The following TTC28 variants were observed in gnomAD, a reference collection of about 807,000 sequenced individuals.
The protein encoded by TTC28 is tetratricopeptide repeat domain 28.
TTC28 carries 61 observed loss-of-function variants against 198.0 expected under a neutral mutation model. That is an observed-to-expected ratio of 0.31 (90% CI 0.25 to 0.38). The LOEUF is 0.38. TTC28 is among the 10% of genes least tolerant of loss of function. The pLI is 1.00. For synonymous variants in TTC28, 1,171 were observed against 1,297.8 expected (o/e 0.90, Z 2.10); for missense variants, 2,678 against 3,164.0 (o/e 0.85, Z 3.69).
intron 2 of TTC28, among the ~76,000 whole-genome samples, chr22:28,533,722 A>G (rs1425069664): frequency 1.3e-5 from 2 of 152,216 alleles, no homozygotes; most frequent in Non-Finnish European, 2.9e-5. Flanking sequence ...ATATAGATCA[A>G]TGGAACAAAA....
At chr22:28,243,218 C>G (rs1412077277) in intron 5 of TTC28, among the ~76,000 whole-genome samples, 3 of 101,676 alleles carry the variant, frequency 3.0e-5, no homozygotes, top group Admixed American at 2.0e-4. Context: ...AAAAAACTAG[C>G]CAGCCACACT....
At chr22:28,197,799 G>A (rs1016495981) in intron 5 of TTC28, among the ~76,000 whole-genome samples, 3 of 151,988 alleles carry the variant, frequency 2.0e-5, no homozygotes, top group Non-Finnish European at 4.4e-5. Context: ...AGGATCTTTC[G>A]AGGAAAGGAG....
At chr22:28,048,459 A>C (rs1298105609) in intron 12 of TTC28, among the ~76,000 whole-genome samples, 1 of 152,092 alleles carries the variant, frequency 6.6e-6, no homozygotes, top group East Asian at 1.9e-4. Flanking sequence ...AGACGAAAGA[A>C]TGAGCCAGGA....
chr22:27,998,739 C>T lies in TTC28; in HGVS notation c.4920G>A (p.Ala1640=), dbSNP rs1293352931. The change falls in exon 16 of 23, where the codon GCG becomes GCA. Residue 1640 remains alanine, a synonymous_variant. Coordinates refer to ENST00000397906, the MANE Select transcript of TTC28 (RefSeq NM_001145418.2). ...CGGCAGCCAGGAAGGCCCTTGTCAG[C>T]GCGATGACCCCGTCGGCTGTGACTT... ...NSKVTADGVI[A]LTRAFLAAGA... is the part of the protein sequence containing the mutation. 7.7e-6 allele frequency: 12 copies of T among 1,550,700 alleles called. No homozygotes were observed. The highest frequency in any genetic ancestry group is 2.4e-5 in the East Asian group (1 of 40,944).
chr22:28,360,785 A>T (rs2046146676), intron 2 of TTC28, among the ~76,000 whole-genome samples: 1 of 151,972 alleles, frequency 6.6e-6, no homozygotes, highest in African/African-American at 2.4e-5. Context: ...TTTTGTGACA[A>T]CCCTGCATTG....
At chr22:28,365,193 A>G (rs2046228273) in intron 2 of TTC28, among the ~76,000 whole-genome samples, 1 of 152,232 alleles carries the variant, frequency 6.6e-6, no homozygotes, top group African/African-American at 2.4e-5. Context: ...TGATCATTAG[A>G]ATTTTTAGTA....
intron 5 of TTC28, among the ~76,000 whole-genome samples, chr22:28,241,355 G>A (rs1361335226): frequency 6.6e-6 from 1 of 152,122 alleles, no homozygotes; most frequent in Non-Finnish European, 1.5e-5. Flanking sequence ...AATGGCTGAG[G>A]TTCTAAGCAG....
intron 1 of TTC28, among the ~76,000 whole-genome samples, chr22:28,663,535 C>T (rs2051788236): frequency 1.5e-5 from 2 of 134,546 alleles, no homozygotes; most frequent in South Asian, 2.8e-4. Context: ...AAAGGGGTGA[C>T]GGACGCACCT....
intron 5 of TTC28, among the ~76,000 whole-genome samples, chr22:28,225,368 AAAGAAGAAGAAGAAGAAGAAG>A (rs148306183): frequency 3.5e-5 from 5 of 143,064 alleles, no homozygotes; most frequent in Non-Finnish European, 7.5e-5. Flanking sequence ...AAAAAAAAGA[AAAGAAGAAGAAGAAGAAGAAG>A]AAGAAGAAGA....
chr22:28,251,599 A>AT (rs1930513824), intron 5 of TTC28, among the ~76,000 whole-genome samples: 2 of 152,204 alleles, frequency 1.3e-5, no homozygotes, highest in South Asian at 4.1e-4. Context: ...GTGTAAAGTG[A>AT]TTCACAAATA....
chr22:28,550,851 A>C (rs1192062332), intron 2 of TTC28, among the ~76,000 whole-genome samples: 1 of 152,102 alleles, frequency 6.6e-6, no homozygotes, highest in Admixed American at 6.6e-5. Context: ...ACTTAAGGCA[A>C]AGGGGGTGGA....
chr22:28,645,019 C>T (rs1277138185), intron 1 of TTC28, among the ~76,000 whole-genome samples: 1 of 151,682 alleles, frequency 6.6e-6, no homozygotes, highest in Non-Finnish European at 1.5e-5. Context: ...GTGGCAGGCA[C>T]CTGTAGTCCC....
chr22:28,030,166 T>C (rs1003307742), intron 13 of TTC28, 60 bp downstream of exon 13: 1 of 1,535,828 alleles, frequency 6.5e-7, no homozygotes, highest in African/African-American at 1.4e-5. Flanking sequence ...TGAAAGCATA[T>C]TATCTGTGCT....
At chr22:28,192,880 CAGG>C (rs1008940722) in intron 5 of TTC28, among the ~76,000 whole-genome samples, 8 of 152,164 alleles carry the variant, frequency 5.3e-5, no homozygotes, top group Admixed American at 3.9e-4. Context: ...GGATATTTTC[CAGG>C]AGAACTTCCC....
chr22:28,079,638 G>A (rs1941274691), intron 12 of TTC28, among the ~76,000 whole-genome samples: 1 of 152,156 alleles, frequency 6.6e-6, no homozygotes, highest in South Asian at 2.1e-4. Flanking sequence ...ATGAAATCAT[G>A]TAGTATTTGT....
At chr22:28,369,749 T>C (rs1451763190) in intron 2 of TTC28, among the ~76,000 whole-genome samples, 1 of 152,220 alleles carries the variant, frequency 6.6e-6, no homozygotes, top group Non-Finnish European at 1.5e-5. Context: ...ACCATTTATA[T>C]AGAACTCCCT....
chr22:28,376,980 C>T (rs950784427), intron 2 of TTC28, among the ~76,000 whole-genome samples: 1 of 151,876 alleles, frequency 6.6e-6, no homozygotes, highest in African/African-American at 2.4e-5. Flanking sequence ...AAAACCTTGT[C>T]ATACATAGGA....
At chr22:28,535,139 T>C (rs1043215192) in intron 2 of TTC28, among the ~76,000 whole-genome samples, 2 of 152,040 alleles carry the variant, frequency 1.3e-5, no homozygotes, top group Non-Finnish European at 2.9e-5. Context: ...TTGCCAAGTA[T>C]ATTTAAAAAA....
intron 2 of TTC28, among the ~76,000 whole-genome samples, chr22:28,505,391 T>C (rs530852823): frequency 1.3e-5 from 2 of 151,216 alleles, no homozygotes; most frequent in Middle Eastern, 6.9e-3. Context: ...TCAGCTGAAA[T>C]ATCCAGGTCC....
Sources: gnomAD v4.1 joint callset for allele counts (sites outside exome capture counted in the v4.1 genomes callset) on GRCh38, gnomAD v4.1.1 for gene constraint, MANE v1.5 for transcripts, NCBI Gene and HGNC (gene_info 2026-07-23, HGNC 2026-07-21) for gene names.